SNCAIP: variants seen among roughly 807,000 people sequenced by gnomAD.
The protein encoded by SNCAIP is synphilin-1.
SNCAIP carries 43 observed loss-of-function variants against 86.7 expected under a neutral mutation model. That is an observed-to-expected ratio of 0.50 (90% CI 0.39 to 0.64). The LOEUF (loss-of-function observed/expected upper bound fraction) is 0.64. Among genes scored for constraint, SNCAIP ranks in the 30% least tolerant of loss-of-function variants. SNCAIP has a pLI of 0.00. For missense variants in SNCAIP, 981 were observed against 1,103.1 expected (o/e 0.89, Z 1.57); for synonymous variants, 417 against 427.2 (o/e 0.98, Z 0.29).
At chr5:122,401,312 T>C (rs1771765132) in intron 2 of SNCAIP, among the ~76,000 whole-genome samples, 1 of 152,216 alleles carries the variant, frequency 6.6e-6, no homozygotes, top group Non-Finnish European at 1.5e-5. Context: ...ATGTTGGTTT[T>C]GTGAGTTATG....
intron 5 of SNCAIP, among the ~76,000 whole-genome samples, chr5:122,431,608 G>A (rs927761883): frequency 1.6e-4 from 25 of 152,138 alleles, no homozygotes; most frequent in African/African-American, 5.5e-4. Flanking sequence ...TAATGGAAAT[G>A]TTCTTTGTCT....
chr5:122,317,088 A>G (rs1751902269), intron 1 of SNCAIP, among the ~76,000 whole-genome samples: 1 of 152,112 alleles, frequency 6.6e-6, no homozygotes, highest in Non-Finnish European at 1.5e-5. Flanking sequence ...GCTTTTCATT[A>G]TAAGTGTAGA....
chr5:122,446,049 C>G (rs1782247057), intron 8 of SNCAIP, among the ~76,000 whole-genome samples: 1 of 152,054 alleles, frequency 6.6e-6, no homozygotes, highest in South Asian at 2.1e-4. Context: ...CACAAAACTT[C>G]CCCAAGTTAG....
intron 2 of SNCAIP, 22 bp from the exon 3 acceptor site, chr5:122,403,771 T>C: frequency 1.2e-6 from 2 of 1,600,350 alleles, no homozygotes; most frequent in South Asian, 1.1e-5. Context: ...TTATGCCCTC[T>C]CTTCTCTGGC....
intron 1 of SNCAIP, among the ~76,000 whole-genome samples, chr5:122,317,453 C>T (rs765358565): frequency 6.6e-6 from 1 of 152,196 alleles, no homozygotes; most frequent in Non-Finnish European, 1.5e-5. Context: ...AATTAGACCA[C>T]TTTGATCACA....
chr5:122,333,157 A>G (rs952437135), intron 1 of SNCAIP, among the ~76,000 whole-genome samples: 2 of 152,212 alleles, frequency 1.3e-5, no homozygotes, highest in Non-Finnish European at 2.9e-5. Context: ...GTGTTTCTGT[A>G]ATTGTAAAAT....
At chr5:122,359,911 T>A (rs1761872414) in intron 1 of SNCAIP, among the ~76,000 whole-genome samples, 1 of 152,218 alleles carries the variant, frequency 6.6e-6, no homozygotes, top group Non-Finnish European at 1.5e-5. Context: ...TTCTTTAACA[T>A]GTATTGCTAG....
At chr5:122,369,121 T>C (rs999588012) in intron 1 of SNCAIP, among the ~76,000 whole-genome samples, 7 of 152,202 alleles carry the variant, frequency 4.6e-5, no homozygotes, top group Non-Finnish European at 8.8e-5. Flanking sequence ...TGCCCTTGTA[T>C]AGGTTCAGAC....
rs181504132 is a variant in SNCAIP at position 122,461,866 on chromosome 5, G to A, written c.2755-1625G>A. On this transcript the variant is annotated intron_variant, in intron 10 of 10. Transcript: ENST00000261368. ...GTATTTTTGGTAGAGACAGGGTTTC[G>A]CCATGTTGGCCAAGCTGGTCTCGAA... 2.0e-3 allele frequency among the ~76,000 whole-genome samples: 297 copies of A among 151,786 alleles called. 1 individual carries two copies. The highest frequency in any genetic ancestry group is 6.3e-3 in the African/African-American group (259 of 41,410).
chr5:122,463,426 G>A (rs1313540901), intron 10 of SNCAIP, 65 bp from the exon 11 acceptor site: 1 of 910,826 alleles, frequency 1.1e-6, no homozygotes, highest in East Asian at 2.4e-5. Flanking sequence ...GCTGTTTAGT[G>A]GTATTGTCTT....
At chr5:122,418,384 C>T (rs1291323168) in intron 3 of SNCAIP, among the ~76,000 whole-genome samples, 1 of 152,102 alleles carries the variant, frequency 6.6e-6, no homozygotes. Flanking sequence ...TGCACCTGTA[C>T]TATGTTTATT....
chr5:122,342,196 TCTC>T (rs947811729), intron 1 of SNCAIP, among the ~76,000 whole-genome samples: 1 of 152,102 alleles, frequency 6.6e-6, no homozygotes, highest in Non-Finnish European at 1.5e-5. Context: ...CTTCTACTCT[TCTC>T]CTCAATGGCC....
intron 1 of SNCAIP, among the ~76,000 whole-genome samples, chr5:122,333,908 C>T (rs765959761): frequency 7.9e-5 from 12 of 151,958 alleles, no homozygotes; most frequent in Admixed American, 1.3e-4. Flanking sequence ...TGCAGATAGA[C>T]GACAATAAGA....
chr5:122,456,151 G>C (rs1246608646), intron 10 of SNCAIP, among the ~76,000 whole-genome samples: 1 of 152,158 alleles, frequency 6.6e-6, no homozygotes, highest in Non-Finnish European at 1.5e-5. Context: ...GTTGCCTGAG[G>C]GGTTAGGAAA....
chr5:122,454,571 C>G (rs1784339442), intron 10 of SNCAIP: 1 of 152,594 alleles, frequency 6.6e-6, no homozygotes, highest in Non-Finnish European at 1.5e-5. Flanking sequence ...TTGGTATTAG[C>G]CCACTTCTAT....
At chr5:122,353,919 TCAC>T (rs1186905251) in intron 1 of SNCAIP, among the ~76,000 whole-genome samples, 1 of 152,132 alleles carries the variant, frequency 6.6e-6, no homozygotes, top group South Asian at 2.1e-4. Context: ...TTTAACCAAA[TCAC>T]CACGTTAGGG....
chr5:122,325,380 A>G (rs1442995742), intron 1 of SNCAIP, among the ~76,000 whole-genome samples: 1 of 152,140 alleles, frequency 6.6e-6, no homozygotes, highest in Non-Finnish European at 1.5e-5. Context: ...ACCTCTCCCT[A>G]CTACAAGGCA....
At chr5:122,392,289 C>CT (rs1387769944) in intron 2 of SNCAIP, among the ~76,000 whole-genome samples, 1 of 151,990 alleles carries the variant, frequency 6.6e-6, no homozygotes, top group Non-Finnish European at 1.5e-5. Context: ...CAACATTTGC[C>CT]TATTTCAGCT....
chr5:122,379,478 T>C (rs1766167290), intron 1 of SNCAIP, among the ~76,000 whole-genome samples: 1 of 128,046 alleles, frequency 7.8e-6, no homozygotes, highest in Non-Finnish European at 1.6e-5. Context: ...AATCATGTCG[T>C]CTGCAAACAG....
Sources: gnomAD v4.1 joint callset for allele counts (sites outside exome capture counted in the v4.1 genomes callset) on GRCh38, gnomAD v4.1.1 for gene constraint, MANE v1.5 for transcripts, NCBI Gene and HGNC (gene_info 2026-07-23, HGNC 2026-07-21) for gene names.